The following VPS13B variants were observed in gnomAD, a reference collection of about 807,000 sequenced individuals.
VPS13B encodes the protein intermembrane lipid transfer protein VPS13B.
In VPS13B, 285 loss-of-function variants were observed where a neutral mutation model predicts 426.4. The ratio of observed to expected loss-of-function variants is 0.67; its 90% confidence interval spans 0.61 to 0.74. VPS13B has a LOEUF of 0.74. VPS13B is among the 30% of genes least tolerant of loss of function. The pLI is 0.00. For missense variants in VPS13B, 4,537 were observed against 4,782.6 expected, an observed-to-expected ratio of 0.95 and a Z score of 1.51; for synonymous variants, 1,676 against 1,676.4, an observed-to-expected ratio of 1.00 and a Z score of 0.01.
At chr8:99,074,686 A>G (rs1845027212) in intron 3 of VPS13B, among the ~76,000 whole-genome samples, 2 of 151,812 alleles carry the variant, frequency 1.3e-5, no homozygotes, top group Admixed American at 1.3e-4. Flanking sequence ...CTCAGGCTGG[A>G]GTGCAGTGGT....
intron 33 of VPS13B, among the ~76,000 whole-genome samples, chr8:99,626,478 G>C (rs1456349142): frequency 6.6e-6 from 1 of 152,134 alleles, no homozygotes; most frequent in African/African-American, 2.4e-5. Flanking sequence ...CCTGCTAATG[G>C]GTATGGGGTT....
chr8:99,469,321 A>G (rs533352029), intron 24 of VPS13B, among the ~76,000 whole-genome samples: 1 of 151,750 alleles, frequency 6.6e-6, no homozygotes, highest in Admixed American at 6.6e-5. Flanking sequence ...GACACATGCC[A>G]CCATGACCAG....
chr8:99,747,335 T>A (rs1050764013), intron 39 of VPS13B, among the ~76,000 whole-genome samples: 11 of 152,078 alleles, frequency 7.2e-5, no homozygotes, highest in Non-Finnish European at 1.5e-4. Context: ...ATAATTTTTT[T>A]AAATATTCAG....
At chr8:99,330,494 T>TA (rs140789912) in intron 19 of VPS13B, among the ~76,000 whole-genome samples, 112,344 of 151,612 alleles carry the variant, frequency 0.74, 42,292 homozygotes, top group South Asian at 0.87. Flanking sequence ...ACCCCTGACC[T>TA]AAAGCTCATG....
At chr8:99,592,983 C>T (rs1278771423) in intron 33 of VPS13B, among the ~76,000 whole-genome samples, 1 of 152,062 alleles carries the variant, frequency 6.6e-6, no homozygotes, top group African/African-American at 2.4e-5. Flanking sequence ...CTAGGCAGTA[C>T]CATTCAGGAC....
chr8:99,344,872 T>G (rs764679815), intron 19 of VPS13B, among the ~76,000 whole-genome samples: 1 of 152,140 alleles, frequency 6.6e-6, no homozygotes, highest in East Asian at 1.9e-4. Flanking sequence ...GTAGTCAGAT[T>G]TATCTGTCTT....
chr8:99,489,669 T>C (rs1483003382), intron 25 of VPS13B, among the ~76,000 whole-genome samples: 1 of 152,196 alleles, frequency 6.6e-6, no homozygotes, highest in African/African-American at 2.4e-5. Context: ...GAAGCAATTG[T>C]GAATGGGAGT....
intron 33 of VPS13B, among the ~76,000 whole-genome samples, chr8:99,613,168 G>A (rs1050156382): frequency 6.6e-6 from 1 of 152,116 alleles, no homozygotes; most frequent in Non-Finnish European, 1.5e-5. Flanking sequence ...TTCATCTTTA[G>A]TGTCTCAAAA....
intron 3 of VPS13B, among the ~76,000 whole-genome samples, chr8:99,043,432 T>C (rs1419110264): frequency 2.0e-5 from 3 of 152,200 alleles, no homozygotes; most frequent in Non-Finnish European, 2.9e-5. Context: ...ACCTCTCTCT[T>C]AGCTTGGCTG....
At chr8:99,579,898 A>G (rs1825967602) in intron 33 of VPS13B, among the ~76,000 whole-genome samples, 2 of 150,498 alleles carry the variant, frequency 1.3e-5, no homozygotes, top group Admixed American at 6.6e-5. Flanking sequence ...TGATTTCACA[A>G]TGTCAGCCAG....
intron 43 of VPS13B, among the ~76,000 whole-genome samples, chr8:99,807,525 C>T (rs1158530923): frequency 6.6e-6 from 1 of 151,756 alleles, no homozygotes; most frequent in African/African-American, 2.4e-5. Context: ...CCAGTTGCTG[C>T]TATAAAAAAC....
chr8:99,465,099 T>C (rs907250843), intron 23 of VPS13B, among the ~76,000 whole-genome samples: 10 of 152,290 alleles, frequency 6.6e-5, no homozygotes, highest in Non-Finnish European at 7.4e-5. Context: ...CCCAGATTGA[T>C]AGAAAGCTAT....
intron 25 of VPS13B, among the ~76,000 whole-genome samples, chr8:99,482,077 G>A (rs889374226): frequency 6.6e-6 from 1 of 152,046 alleles, no homozygotes; most frequent in Non-Finnish European, 1.5e-5. Flanking sequence ...TTCCTCGGAA[G>A]TATGGAAATG....
chr8:99,381,159 T>G (rs980140749), intron 19 of VPS13B, among the ~76,000 whole-genome samples: 1 of 152,156 alleles, frequency 6.6e-6, no homozygotes, highest in Non-Finnish European at 1.5e-5. Flanking sequence ...TGTGGTATTT[T>G]GTTTTCTGTT....
At chr8:99,061,819 TCTTA>T (rs916117442) in intron 3 of VPS13B, among the ~76,000 whole-genome samples, 3 of 152,240 alleles carry the variant, frequency 2.0e-5, no homozygotes, top group Admixed American at 6.5e-5. Flanking sequence ...TTGTCATAAC[TCTTA>T]CTTCTGTATG....
intron 17 of VPS13B, among the ~76,000 whole-genome samples, chr8:99,237,870 TA>T (rs540893584): frequency 2.4e-4 from 12 of 49,724 alleles, no homozygotes; most frequent in Admixed American, 3.7e-4. Flanking sequence ...AGGTTGGGGT[TA>T]TTTTTTTTTT....
chr8:99,731,100 G>C (rs1833581421), intron 39 of VPS13B, among the ~76,000 whole-genome samples: 1 of 152,128 alleles, frequency 6.6e-6, no homozygotes, highest in African/African-American at 2.4e-5. Flanking sequence ...CTGGGAAGTG[G>C]CAAATCATCT....
intron 34 of VPS13B, among the ~76,000 whole-genome samples, chr8:99,646,302 C>T (rs1423821703): frequency 1.3e-5 from 2 of 152,020 alleles, no homozygotes; most frequent in Non-Finnish European, 2.9e-5. Context: ...ATCACTTGAG[C>T]TAAGGAGTCC....
At chr8:99,670,026 GGTTT>G (rs1355254757) in intron 35 of VPS13B, among the ~76,000 whole-genome samples, 2 of 151,972 alleles carry the variant, frequency 1.3e-5, no homozygotes. Flanking sequence ...CATTCAAATA[GGTTT>G]GTTTATATGA....
Sources: allele counts gnomAD v4.1 joint callset (sites outside exome capture counted in the v4.1 genomes callset), GRCh38; gene constraint gnomAD v4.1.1; transcripts MANE v1.5; gene names NCBI Gene and HGNC (gene_info 2026-07-23, HGNC 2026-07-21).